Variants in DYM observed in about 807,000 individuals in gnomAD.
DYM encodes the protein dymeclin.
A neutral mutation model predicts 93.1 loss-of-function variants in DYM; 78 were observed. The observed-to-expected ratio is 0.84, with a 90% CI of 0.70 to 1.01. The LOEUF (loss-of-function observed/expected upper bound fraction) is 1.01, where lower values mean the gene tolerates loss of function less well. Ranked by LOEUF, DYM falls within the 50% of genes least tolerant of loss-of-function variation. The pLI, the probability that DYM is intolerant of heterozygous loss-of-function variation, is 0.00. For synonymous variants in DYM, 321 were observed against 319.7 expected (o/e 1.00, Z -0.04); for missense variants, 789 against 845.0 (o/e 0.93, Z 0.82).
At chr18:49,317,551 TTCTCTCTCTCTCTC>T (rs796373730) in intron 8 of DYM, among the ~76,000 whole-genome samples, 3 of 29,370 alleles carry the variant, frequency 1.0e-4, no homozygotes, top group African/African-American at 4.2e-4. Context: ...CCATCTAGAT[TTCTCTCTCTCTCTC>T]TCTCTCTCTC....
At chr18:49,423,750 C>G (rs1308373021) in intron 2 of DYM, among the ~76,000 whole-genome samples, 1 of 152,166 alleles carries the variant, frequency 6.6e-6, no homozygotes, top group East Asian at 1.9e-4. Flanking sequence ...AAACTACCAT[C>G]AGAGAATACT....
Position 49,043,942 on chromosome 18 carries a change from T to C in DYM, c.*113A>G, listed in dbSNP as rs1455373141. 1 of 1,298,790 alleles carries C rather than the reference T, an allele frequency of 7.7e-7. No homozygotes were observed. The highest frequency in any genetic ancestry group is 1.5e-5 in the African/African-American group (1 of 67,694). 80.5% of individuals were successfully genotyped at this position (1,298,790 alleles called of 1,614,324 possible). A position where few individuals can be genotyped will look rare whatever the true frequency, so the allele number is the denominator to read the frequency against. On this transcript the variant is annotated 3_prime_UTR_variant, in exon 18 of 18. Transcript: ENST00000675505. ...TGAGGAAAACACACTCGTGCAATCC[T>C]CTTTAACAGAAGATACACCAAGTAA...
chr18:49,190,948 T>C (rs2090909556), intron 14 of DYM, among the ~76,000 whole-genome samples: 1 of 152,198 alleles, frequency 6.6e-6, no homozygotes, highest in Admixed American at 6.5e-5. Context: ...ACAAAATATA[T>C]GTTAATCAAC....
chr18:49,379,474 T>C (rs1363603618), intron 4 of DYM, among the ~76,000 whole-genome samples, 191 bp downstream of exon 4: 1 of 152,166 alleles, frequency 6.6e-6, no homozygotes, highest in Non-Finnish European at 1.5e-5. Context: ...TGAAATCAGA[T>C]TCCCGAATCT....
intron 2 of DYM, among the ~76,000 whole-genome samples, chr18:49,422,524 A>G (rs1367453603): frequency 6.6e-6 from 1 of 152,228 alleles, no homozygotes; most frequent in Non-Finnish European, 1.5e-5. Flanking sequence ...TCATAATGAC[A>G]GGATCAAATT....
At chr18:49,122,271 G>A (rs1016539918) in intron 15 of DYM, among the ~76,000 whole-genome samples, 11 of 152,152 alleles carry the variant, frequency 7.2e-5, no homozygotes, top group Non-Finnish European at 1.0e-4. Context: ...GATTGTTTAC[G>A]GTGATGACAA....
chr18:49,183,027 G>A (rs1192623867), intron 14 of DYM, among the ~76,000 whole-genome samples: 2 of 152,164 alleles, frequency 1.3e-5, no homozygotes, highest in Non-Finnish European at 2.9e-5. Flanking sequence ...AGGAACACTG[G>A]AGAAAACCAA....
chr18:49,103,260 G>T (rs960035454), intron 16 of DYM, among the ~76,000 whole-genome samples: 2 of 151,622 alleles, frequency 1.3e-5, no homozygotes, highest in African/African-American at 2.4e-5. Flanking sequence ...TTTTGGTGGG[G>T]TTGTTTTTTT....
At chr18:49,078,891 T>C (rs550954613) in intron 17 of DYM, among the ~76,000 whole-genome samples, 1 of 152,358 alleles carries the variant, frequency 6.6e-6, no homozygotes, top group South Asian at 2.1e-4. Context: ...TTTAGCACTG[T>C]TCCATTCTCT....
intron 13 of DYM, among the ~76,000 whole-genome samples, chr18:49,251,264 C>G (rs1203567923): frequency 6.6e-6 from 1 of 152,176 alleles, no homozygotes; most frequent in African/African-American, 2.4e-5. Context: ...CAAAAAGACC[C>G]AGTCAGACTA....
chr18:49,187,663 T>C (rs1379098418), intron 14 of DYM, among the ~76,000 whole-genome samples: 1 of 152,102 alleles, frequency 6.6e-6, no homozygotes, highest in African/African-American at 2.4e-5. Flanking sequence ...AATGAAACTC[T>C]CCCCAAATAT....
At chr18:49,282,294 T>G in intron 9 of DYM, 119 bp from the exon 10 acceptor site, 1 of 1,051,262 alleles carries the variant, frequency 9.5e-7, no homozygotes, top group Non-Finnish European at 1.4e-6. Context: ...TCACTACATT[T>G]CAGATTCAAA....
chr18:49,202,308 C>G (rs1308132390), intron 14 of DYM, among the ~76,000 whole-genome samples: 1 of 152,222 alleles, frequency 6.6e-6, no homozygotes, highest in Non-Finnish European at 1.5e-5. Flanking sequence ...GAAAAGAACT[C>G]TAGGGGAGTG....
chr18:49,396,064 T>A (rs1599899660), intron 2 of DYM, among the ~76,000 whole-genome samples: 1 of 152,298 alleles, frequency 6.6e-6, no homozygotes, highest in East Asian at 1.9e-4. Flanking sequence ...TCATATGTTC[T>A]CTGTACACAC....
chr18:49,363,370 G>C, intron 5 of DYM, 137 bp from the exon 6 acceptor site: 1 of 714,600 alleles, frequency 1.4e-6, no homozygotes, highest in Non-Finnish European at 2.5e-6. Flanking sequence ...GTTGACCTCT[G>C]AATAAAATCC....
At chr18:49,199,541 A>G (rs1159312025) in intron 14 of DYM, among the ~76,000 whole-genome samples, 1 of 152,244 alleles carries the variant, frequency 6.6e-6, no homozygotes, top group African/African-American at 2.4e-5. Context: ...CAAGTAATGA[A>G]TATGTAATTC....
At chr18:49,270,376 T>C (rs1439317567) in intron 11 of DYM, among the ~76,000 whole-genome samples, 1 of 152,230 alleles carries the variant, frequency 6.6e-6, no homozygotes, top group Non-Finnish European at 1.5e-5. Context: ...GTGGATTATC[T>C]TTTTAAAAAG....
At chr18:49,202,256 C>G (rs1383717676) in intron 14 of DYM, among the ~76,000 whole-genome samples, 3 of 152,264 alleles carry the variant, frequency 2.0e-5, no homozygotes, top group Non-Finnish European at 4.4e-5. Flanking sequence ...CATTCGCGAC[C>G]TTTTGGTCAG....
chr18:49,374,481 A>C (rs1203382629), intron 5 of DYM, among the ~76,000 whole-genome samples: 2 of 152,228 alleles, frequency 1.3e-5, no homozygotes, highest in African/African-American at 4.8e-5. Context: ...GGGGAAGAGG[A>C]AGCAGTACCT....
Sources: allele counts gnomAD v4.1 joint callset (sites outside exome capture counted in the v4.1 genomes callset), GRCh38; gene constraint gnomAD v4.1.1; transcripts MANE v1.5; gene names NCBI Gene and HGNC (gene_info 2026-07-23, HGNC 2026-07-21).